The following GPC5 variants were observed in gnomAD, a reference collection of about 807,000 sequenced individuals.
GPC5 encodes the protein glypican 5.
In GPC5, 47 loss-of-function variants were observed where a neutral mutation model predicts 53.9. The ratio of observed to expected loss-of-function variants is 0.87; its 90% confidence interval spans 0.69 to 1.11. GPC5 has a LOEUF of 1.11. Among genes scored for constraint, GPC5 ranks in the 50% most tolerant of loss-of-function variants. The probability of loss-of-function intolerance (pLI) is 0.00; values close to 1 mark genes in which losing one functional copy is unlikely to be tolerated. For missense variants in GPC5, 748 were observed against 713.1 expected (o/e 1.05, Z -0.56); for synonymous variants, 286 against 263.3 (o/e 1.09, Z -0.84).
intron 7 of GPC5, among the ~76,000 whole-genome samples, chr13:92,146,537 G>A (rs187295705): frequency 6.6e-6 from 1 of 152,036 alleles, no homozygotes; most frequent in Admixed American, 6.6e-5. Context: ...TTAGGTTTTG[G>A]GGAAAACAGG....
chr13:91,498,572 T>G (rs1294892859), intron 2 of GPC5, among the ~76,000 whole-genome samples: 1 of 152,082 alleles, frequency 6.6e-6, no homozygotes, highest in African/African-American at 2.4e-5. Context: ...TGTAGTAGGT[T>G]GGGGAATCTG....
At chr13:91,573,665 G>C (rs1381306980) in intron 2 of GPC5, among the ~76,000 whole-genome samples, 1 of 151,856 alleles carries the variant, frequency 6.6e-6, no homozygotes, top group Non-Finnish European at 1.5e-5. Flanking sequence ...ATTTTTTCTA[G>C]TACCAGTATC....
intron 7 of GPC5, among the ~76,000 whole-genome samples, chr13:92,521,360 T>C (rs1209659764): frequency 6.6e-6 from 1 of 152,186 alleles, no homozygotes; most frequent in Non-Finnish European, 1.5e-5. Context: ...GGCATCATGC[T>C]ACCTGACTTC....
rs185684818 is a variant in GPC5 at position 91,524,892 on chromosome 13, A to G, written c.325+75970A>G. Reference sequence around the variant, plus strand: ...TAAAGGTCAACACAATTGAAATTACATGCAAGGCTACCACATTATGTATTT... The same window carrying G: ...TAAAGGTCAACACAATTGAAATTACGTGCAAGGCTACCACATTATGTATTT... On this transcript the variant is annotated intron_variant, in intron 2 of 7. Coordinates refer to ENST00000377067, the MANE Select transcript of GPC5 (RefSeq NM_004466.6). 2.7e-3 allele frequency among the ~76,000 whole-genome samples: 417 copies of G among 152,344 alleles called. 1 individual carries two copies. The highest frequency in any genetic ancestry group is 4.6e-3 in the Non-Finnish European group (312 of 68,026).
At chr13:92,622,590 T>G (rs1884911456) in intron 7 of GPC5, among the ~76,000 whole-genome samples, 1 of 151,848 alleles carries the variant, frequency 6.6e-6, no homozygotes, top group African/African-American at 2.4e-5. Flanking sequence ...TTGAGACAGG[T>G]TCTCACTCTG....
At chr13:91,972,785 A>C (rs1354254063) in intron 6 of GPC5, among the ~76,000 whole-genome samples, 2 of 152,260 alleles carry the variant, frequency 1.3e-5, no homozygotes, top group Admixed American at 6.5e-5. Flanking sequence ...AAGAATGTTG[A>C]ATATTGGCCC....
chr13:91,465,588 A>G (rs1882185290), intron 2 of GPC5, among the ~76,000 whole-genome samples: 1 of 152,180 alleles, frequency 6.6e-6, no homozygotes, highest in Admixed American at 6.6e-5. Flanking sequence ...AGTTTGAAAA[A>G]GATTTTCTTT....
At chr13:91,459,284 G>A (rs1186768207) in intron 2 of GPC5, among the ~76,000 whole-genome samples, 2 of 151,964 alleles carry the variant, frequency 1.3e-5, no homozygotes, top group Admixed American at 6.6e-5. Flanking sequence ...GACAGAGCAA[G>A]ACCCTGTCTT....
intron 7 of GPC5, among the ~76,000 whole-genome samples, chr13:92,805,431 A>T (rs538827632): frequency 3.3e-5 from 5 of 151,980 alleles, no homozygotes; most frequent in African/African-American, 9.6e-5. Flanking sequence ...TTTGAAAGAG[A>T]TCTTTTTAAA....
intron 6 of GPC5, among the ~76,000 whole-genome samples, chr13:92,005,797 T>C (rs1657483833): frequency 1.3e-5 from 2 of 152,278 alleles, no homozygotes; most frequent in East Asian, 3.9e-4. Flanking sequence ...AGTTTTTCCA[T>C]TGAATGAATG....
chr13:92,700,475 C>T (rs1056418289), intron 7 of GPC5, among the ~76,000 whole-genome samples: 1 of 152,004 alleles, frequency 6.6e-6, no homozygotes, highest in African/African-American at 2.4e-5. Flanking sequence ...GCATTTAATC[C>T]TGCCATTATG....
chr13:91,719,394 G>A (rs1194894877), intron 3 of GPC5, among the ~76,000 whole-genome samples: 1 of 152,178 alleles, frequency 6.6e-6, no homozygotes. Flanking sequence ...TGACCATCAG[G>A]AGCTGAAGAC....
chr13:92,269,138 A>T (rs1331087619), intron 7 of GPC5, among the ~76,000 whole-genome samples: 1 of 152,014 alleles, frequency 6.6e-6, no homozygotes. Flanking sequence ...ATTTCTTTTC[A>T]AGGGCTTTAC....
chr13:91,664,869 A>G (rs1167282849), intron 2 of GPC5, among the ~76,000 whole-genome samples: 1 of 152,236 alleles, frequency 6.6e-6, no homozygotes, highest in East Asian at 1.9e-4. Context: ...CTAAGATGCA[A>G]ATCACATGCT....
At chr13:92,314,561 T>C (rs1443951271) in intron 7 of GPC5, among the ~76,000 whole-genome samples, 1 of 152,214 alleles carries the variant, frequency 6.6e-6, no homozygotes, top group African/African-American at 2.4e-5. Flanking sequence ...ATGTGTAGCA[T>C]CGCTGGGGCA....
chr13:91,689,858 C>G (rs1280871698), intron 2 of GPC5, among the ~76,000 whole-genome samples: 1 of 152,032 alleles, frequency 6.6e-6, no homozygotes, highest in Admixed American at 6.6e-5. Flanking sequence ...TAAAAAAAAT[C>G]AGTAGAAGGA....
At chr13:91,647,067 ATGCGTG>A (rs1422998901) in intron 2 of GPC5, among the ~76,000 whole-genome samples, 1 of 127,666 alleles carries the variant, frequency 7.8e-6, no homozygotes, top group East Asian at 2.3e-4. Context: ...TAATATATAT[ATGCGTG>A]TGTGTGTGTG....
At chr13:91,859,963 A>G (rs1005921120) in intron 5 of GPC5, among the ~76,000 whole-genome samples, 2 of 152,104 alleles carry the variant, frequency 1.3e-5, no homozygotes, top group African/African-American at 4.8e-5. Context: ...ATTTGTGGGT[A>G]CATAGTGATG....
chr13:92,150,714 G>A (rs2041900978), intron 7 of GPC5, among the ~76,000 whole-genome samples: 1 of 151,944 alleles, frequency 6.6e-6, no homozygotes, highest in South Asian at 2.1e-4. Flanking sequence ...AGGTGAAGAG[G>A]GATGACTTAT....
Sources: gnomAD v4.1 joint callset for allele counts (sites outside exome capture counted in the v4.1 genomes callset) on GRCh38, gnomAD v4.1.1 for gene constraint, MANE v1.5 for transcripts, NCBI Gene and HGNC (gene_info 2026-07-23, HGNC 2026-07-21) for gene names.